Variants in ADCY7 observed in about 807,000 individuals in gnomAD.
ADCY7 encodes the protein adenylate cyclase 7.
A neutral mutation model predicts 120.6 loss-of-function variants in ADCY7; 72 were observed. The ratio of observed to expected loss-of-function variants is 0.60; its 90% CI spans 0.49 to 0.73. The LOEUF is 0.73. Ranked by LOEUF, ADCY7 falls within the 30% of genes least tolerant of loss-of-function variation. The pLI is 0.00. For missense variants in ADCY7, 1,227 were observed against 1,486.0 expected, an observed-to-expected ratio of 0.83 and a Z score of 2.87; for synonymous variants, 661 against 628.0, an observed-to-expected ratio of 1.05 and a Z score of -0.78.
At chr16:50,265,373 TGA>T (rs763460938), upstream of ADCY7, among the ~76,000 whole-genome samples, 19 of 148,270 alleles carry the variant, frequency 1.3e-4, no homozygotes, top group Non-Finnish European at 2.5e-4. Context: ...GAACCCTGTG[TGA>T]GTCCTATGCC....
chr16:50,306,986 C>T, intron 14 of ADCY7, 64 bp from the exon 15 acceptor site: 1 of 1,312,096 alleles, frequency 7.6e-7, no homozygotes, highest in Non-Finnish European at 1.1e-6. Context: ...AGCTGATTCA[C>T]TGGAGGCAGG....
intron 15 of ADCY7, among the ~76,000 whole-genome samples, chr16:50,307,765 C>T (rs142109120): frequency 0.029 from 4,382 of 152,080 alleles, 201 homozygotes; most frequent in African/African-American, 0.1. Flanking sequence ...TGGGAGGCTG[C>T]GGGGCGAATC....
chr16:50,245,896 C>G (rs1249336292), upstream of ADCY7, among the ~76,000 whole-genome samples: 1 of 148,040 alleles, frequency 6.8e-6, no homozygotes, highest in African/African-American at 2.5e-5. Flanking sequence ...TGCGGCGCCC[C>G]GAGCTTGCCC....
At position 50,309,557 on chromosome 16, in the gene ADCY7, C is replaced by T. The variant is rs376447880; in HGVS notation, c.2071C>T (p.Pro691Ser). 5.1e-5 allele frequency: 82 copies of T among 1,613,938 alleles called. No individual in the cohort carries two copies. The South Asian group carries it at 8.3e-4, about 16-fold the overall frequency. ...CCTGTCTCCTCTACAGCCCCTGATGCCTTTCCAAGTTCCAGAGCTGCCTGT... is the reference window on the plus strand; with the variant it reads ...CCTGTCTCCTCTACAGCCCCTGATGTCTTTCCAAGTTCCAGAGCTGCCTGT... ...TVAIINLPLMPFQVPELPVGN... is the reference protein window; with the variant it reads ...TVAIINLPLMSFQVPELPVGN... Residue 691 changes from proline to serine, a missense_variant, in exon 18 of 26, where the codon CCT becomes TCT. Pro to Ser is a moderately conservative substitution (Grantham distance 74, BLOSUM62 -1). Around this residue, in one of 5 missense-constraint regions of ADCY7, gnomAD observed 267 missense variants for 270.0 expected, o/e 0.99. Transcript: ENST00000673801.
chr16:50,264,534 A>G (rs914887599), upstream of ADCY7, among the ~76,000 whole-genome samples: 2 of 152,212 alleles, frequency 1.3e-5, no homozygotes, highest in Non-Finnish European at 2.9e-5. Context: ...TTTTGTCCAC[A>G]CTGCCAGGCA....
intron 1 of ADCY7, among the ~76,000 whole-genome samples, chr16:50,270,394 G>T (rs987456676): frequency 2.0e-5 from 3 of 152,216 alleles, no homozygotes; most frequent in Non-Finnish European, 4.4e-5. Flanking sequence ...CGGCGGCACG[G>T]GTTCCAGCTC....
intron 3 of ADCY7, among the ~76,000 whole-genome samples, chr16:50,291,413 C>T (rs770424346): frequency 6.6e-6 from 1 of 152,080 alleles, no homozygotes; most frequent in South Asian, 2.1e-4. Flanking sequence ...CTCAGCCTCC[C>T]GGTAATCATT....
At chr16:50,305,703 C>T in intron 13 of ADCY7, 74 bp from the exon 14 acceptor site, 1 of 1,502,152 alleles carries the variant, frequency 6.7e-7, no homozygotes, top group Non-Finnish European at 9.3e-7. Flanking sequence ...TTCCTTCCCC[C>T]TGCCTGCTGC....
chr16:50,285,912 C>G (rs1205393278), intron 1 of ADCY7, among the ~76,000 whole-genome samples: 2 of 151,762 alleles, frequency 1.3e-5, no homozygotes, highest in African/African-American at 2.4e-5. Flanking sequence ...TTTTTGGAAT[C>G]AATGAATATG....
At chr16:50,314,933 T>C in intron 24 of ADCY7, 81 bp from the exon 25 acceptor site, 1 of 1,568,994 alleles carries the variant, frequency 6.4e-7, no homozygotes, top group Non-Finnish European at 8.7e-7. Context: ...TGTGCTGGGG[T>C]ATGGATTCTC....
intron 1 of ADCY7, among the ~76,000 whole-genome samples, chr16:50,255,402 G>GAAA (rs60335173): frequency 0.69 from 74,072 of 107,892 alleles, 26,833 homozygotes; most frequent in East Asian, 0.96. Flanking sequence ...TCTGTTTCTG[G>GAAA]AAAAAAAAAA....
rs1049171688 is a variant in ADCY7, at chr16:50,297,658, C to G, written c.949-1246C>G. On this transcript the variant is annotated intron_variant, in intron 7 of 25. Coordinates refer to ENST00000673801, the MANE Select transcript of ADCY7 (RefSeq NM_001114.5). The surrounding 1 kb of genome is among the most constrained non-coding windows in gnomAD (Gnocchi z 4.4). ...AGGTGCAGGGGACCTGGAGGCAGGG[C>G]TGGTGCTGTGTCTGGGGCCTGGGTC... 1.3e-5 allele frequency among the ~76,000 whole-genome samples: 2 copies of G among 152,162 alleles called. No homozygotes were observed. Among genetic ancestry groups the G allele is most frequent in the African/African-American group, 2.4e-5 (1 of 41,444 alleles).
At chr16:50,269,913 GCACCGTGGTTCA>G (rs1181829700) in intron 1 of ADCY7, among the ~76,000 whole-genome samples, 1 of 152,124 alleles carries the variant, frequency 6.6e-6, no homozygotes, top group Admixed American at 6.5e-5. Flanking sequence ...GTGTGGCCAG[GCACCGTGGTTCA>G]CACCTGCAGT....
At chr16:50,292,581 G>A in intron 4 of ADCY7, 95 bp from the exon 5 acceptor site, 1 of 1,471,466 alleles carries the variant, frequency 6.8e-7, no homozygotes, top group South Asian at 1.3e-5. Flanking sequence ...TCAGGGAATG[G>A]GAAGAGGTGC....
chr16:50,308,591 C>T lies in ADCY7; in HGVS notation c.1936-76C>T, dbSNP rs77256766. ...CTGGAGGCTTCTCCCGAGGATACCC[C>T]TCCCCAGGCTGCCAGCGACCAGCCC... On this transcript the variant is annotated intron_variant, in intron 16 of 25. Transcript: ENST00000673801. 4,610 of 1,561,056 alleles carry T rather than the reference C, an allele frequency of 3.0e-3. 106 individuals are homozygous for T. In the African/African-American group the frequency reaches 0.053, roughly 18 times the overall value.
chr16:50,282,344 T>C (rs575556106), intron 1 of ADCY7, among the ~76,000 whole-genome samples: 1 of 152,340 alleles, frequency 6.6e-6, no homozygotes, highest in East Asian at 1.9e-4. Context: ...AGTTGCAGTA[T>C]GGAGTCCCAG....
chr16:50,315,168 AAG>A (rs1338081901), intron 25 of ADCY7, 30 bp downstream of exon 25: 1 of 1,612,324 alleles, frequency 6.2e-7, no homozygotes, highest in Non-Finnish European at 8.5e-7. Flanking sequence ...GCAGTTGACT[AAG>A]GGGAAAAGAT....
chr16:50,309,660 G>T lies in ADCY7; in HGVS notation c.2160+14G>T. 6.2e-7 allele frequency: 1 copy of T among 1,604,080 alleles called. No individual in the cohort carries two copies. On this transcript the variant is annotated intron_variant, in intron 18 of 25. Coordinates refer to ENST00000673801, the MANE Select transcript of ADCY7 (RefSeq NM_001114.5). ...GAGCCCCTCCCGGTGAGTGCGCCGG[G>T]CCCGGCTCCGTGGCCTCATTCAGAG...
chr16:50,306,839 A>T (rs1187390984), intron 14 of ADCY7, among the ~76,000 whole-genome samples: 1 of 152,194 alleles, frequency 6.6e-6, no homozygotes, highest in African/African-American at 2.4e-5. Flanking sequence ...ATTATTTTAA[A>T]AATAGAGATG....
Sources: allele counts gnomAD v4.1 joint callset (sites outside exome capture counted in the v4.1 genomes callset), GRCh38; gene constraint gnomAD v4.1.1; regional missense constraint gnomAD v4.1.1; non-coding constraint Gnocchi (gnomAD v3.1); transcripts MANE v1.5; gene names NCBI Gene and HGNC (gene_info 2026-07-23, HGNC 2026-07-21).